The following HECW1 variants were observed in gnomAD, a reference collection of about 807,000 sequenced individuals.
HECW1 encodes HECT, C2 and WW domain containing E3 ubiquitin protein ligase 1, also known as E3 ubiquitin-protein ligase HECW1.
In HECW1, 61 loss-of-function variants were observed where a neutral mutation model predicts 182.3. That is an observed-to-expected ratio of 0.33 (90% CI 0.27 to 0.41). The LOEUF (loss-of-function observed/expected upper bound fraction) is 0.41, where lower values mean the gene tolerates loss of function less well. Among genes scored for constraint, HECW1 ranks in the 10% least tolerant of loss-of-function variants. The pLI is 1.00. For missense variants in HECW1, 1,739 were observed against 2,108.9 expected (o/e 0.82, Z 3.44); for synonymous variants, 859 against 832.6 (o/e 1.03, Z -0.55).
At chr7:43,499,119 A>G (rs1002340099) in intron 19 of HECW1, among the ~76,000 whole-genome samples, 2 of 151,868 alleles carry the variant, frequency 1.3e-5, no homozygotes, top group Non-Finnish European at 2.9e-5. Context: ...TGTCTCTACT[A>G]AAAATACAAA....
intron 2 of HECW1, among the ~76,000 whole-genome samples, chr7:43,173,297 T>G (rs1791872970): frequency 6.6e-6 from 1 of 152,216 alleles, no homozygotes; most frequent in African/African-American, 2.4e-5. Flanking sequence ...GCTATCTGGT[T>G]TCTGGAAAGA....
intron 3 of HECW1, among the ~76,000 whole-genome samples, chr7:43,305,792 C>T (rs1438258255): frequency 6.6e-6 from 1 of 151,402 alleles, no homozygotes; most frequent in Non-Finnish European, 1.5e-5. Flanking sequence ...CGGAGTTTCG[C>T]TCTTGTTGCC....
intron 11 of HECW1, among the ~76,000 whole-genome samples, chr7:43,449,508 A>G (rs1023572487): frequency 1.3e-5 from 2 of 152,144 alleles, no homozygotes; most frequent in African/African-American, 2.4e-5. Context: ...TTTCTTCCTA[A>G]TTAATTTATT....
At chr7:43,143,621 G>A (rs548688826) in intron 2 of HECW1, among the ~76,000 whole-genome samples, 49 of 152,190 alleles carry the variant, frequency 3.2e-4, no homozygotes, top group African/African-American at 9.4e-4. Flanking sequence ...TCACTCCCCA[G>A]GATGAAGCTG....
chr7:43,547,549 G>GAAA (rs35408234), intron 26 of HECW1, among the ~76,000 whole-genome samples: 1 of 138,390 alleles, frequency 7.2e-6, no homozygotes, highest in African/African-American at 2.7e-5. Flanking sequence ...CTGGCTCAAA[G>GAAA]AAAAAAAAAA....
intron 5 of HECW1, among the ~76,000 whole-genome samples, chr7:43,327,881 A>C (rs1453229749): frequency 2.0e-5 from 3 of 152,126 alleles, no homozygotes; most frequent in Admixed American, 6.5e-5. Context: ...TTAAAGAGCA[A>C]GATTAAAGGC....
At chr7:43,131,337 G>A (rs1786896190) in intron 2 of HECW1, among the ~76,000 whole-genome samples, 1 of 152,168 alleles carries the variant, frequency 6.6e-6, no homozygotes, top group African/African-American at 2.4e-5. Flanking sequence ...GTCTACAGAT[G>A]GGAGTACTGA....
At chr7:43,377,731 G>A (rs2074386067) in intron 6 of HECW1, 1 of 206,702 alleles carries the variant, frequency 4.8e-6, no homozygotes, top group South Asian at 1.9e-4. Context: ...CATGTTGCCA[G>A]GGTGTAAAGG....
chr7:43,200,395 A>C (rs1221433624), intron 2 of HECW1, among the ~76,000 whole-genome samples: 2 of 152,240 alleles, frequency 1.3e-5, no homozygotes, highest in Non-Finnish European at 2.9e-5. Flanking sequence ...TGGCTCATGC[A>C]TGTCACTCAA....
intron 3 of HECW1, among the ~76,000 whole-genome samples, chr7:43,297,080 A>G (rs371602884): frequency 2.6e-5 from 4 of 152,168 alleles, no homozygotes; most frequent in African/African-American, 4.8e-5. Flanking sequence ...TCCAGGAAGA[A>G]GGCTGTTTTA....
chr7:43,290,704 G>A (rs1391560317), intron 3 of HECW1, among the ~76,000 whole-genome samples: 1 of 152,222 alleles, frequency 6.6e-6, no homozygotes, highest in Non-Finnish European at 1.5e-5. Context: ...AACGTCCAGA[G>A]CCCCAGTGAC....
chr7:43,247,882 A>AAGGG (rs1799568275), intron 3 of HECW1, among the ~76,000 whole-genome samples: 1 of 119,980 alleles, frequency 8.3e-6, no homozygotes, highest in Non-Finnish European at 1.6e-5. Flanking sequence ...GCAAGCAAGA[A>AAGGG]AGGGAGGGAG....
chr7:43,462,616 G>A (rs867677180), intron 13 of HECW1, among the ~76,000 whole-genome samples: 13 of 152,124 alleles, frequency 8.5e-5, no homozygotes, highest in African/African-American at 4.8e-5. Flanking sequence ...GTGATTCTGC[G>A]TAGCTCAGGT....
intron 24 of HECW1, among the ~76,000 whole-genome samples, chr7:43,516,256 GA>G (rs1202896467): frequency 6.6e-6 from 1 of 152,024 alleles, no homozygotes; most frequent in East Asian, 1.9e-4. Context: ...AGGAAGGAAG[GA>G]AAAAAAGAAA....
At chr7:43,392,773 T>C (rs1244097555) in intron 6 of HECW1, among the ~76,000 whole-genome samples, 2 of 152,092 alleles carry the variant, frequency 1.3e-5, no homozygotes, top group Non-Finnish European at 1.5e-5. Flanking sequence ...AGGGTAAAAT[T>C]TGAATAACAT....
intron 3 of HECW1, among the ~76,000 whole-genome samples, chr7:43,267,210 A>G (rs1033259308): frequency 2.0e-5 from 3 of 152,212 alleles, no homozygotes; most frequent in African/African-American, 7.2e-5. Context: ...GCATCTATAC[A>G]ATTAGCAATA....
chr7:43,313,318 C>A (rs1409244922), intron 4 of HECW1, among the ~76,000 whole-genome samples: 1 of 148,132 alleles, frequency 6.8e-6, no homozygotes, highest in Non-Finnish European at 1.5e-5. Flanking sequence ...ACAGAGATTG[C>A]AAAATAACAG....
At chr7:43,258,374 TA>T (rs755788012) in intron 3 of HECW1, among the ~76,000 whole-genome samples, 6 of 146,160 alleles carry the variant, frequency 4.1e-5, no homozygotes, top group African/African-American at 1.3e-4. Flanking sequence ...AATAAAAAAA[TA>T]AAAAAAAAGA....
At chr7:43,489,386 G>GA in intron 17 of HECW1, among the ~76,000 whole-genome samples, 1 of 152,034 alleles carries the variant, frequency 6.6e-6, no homozygotes, top group Non-Finnish European at 1.5e-5. Context: ...TATTCATGGA[G>GA]AAAAAAGAGA....
Sources: gnomAD v4.1 joint callset for allele counts (sites outside exome capture counted in the v4.1 genomes callset) on GRCh38, gnomAD v4.1.1 for gene constraint, MANE v1.5 for transcripts, NCBI Gene and HGNC (gene_info 2026-07-23, HGNC 2026-07-21) for gene names.